The following SMC4 variants were observed in gnomAD, a reference collection of about 807,000 sequenced individuals.
SMC4 encodes structural maintenance of chromosomes protein 4.
A neutral mutation model predicts 145.6 loss-of-function variants in SMC4; 87 were observed. The observed-to-expected ratio is 0.60, with a 90% CI of 0.50 to 0.71. SMC4 has a LOEUF of 0.71. Among genes scored for constraint, SMC4 ranks in the 30% least tolerant of loss-of-function variants. The pLI, the probability that SMC4 is intolerant of heterozygous loss-of-function variation, is 0.00. For synonymous variants in SMC4, 558 were observed against 500.7 expected (o/e 1.11, Z -1.53); for missense variants, 1,447 against 1,537.1 (o/e 0.94, Z 0.98).
chr3:160,431,492 AT>A (rs1381990172), intron 20 of SMC4, 150 bp from the exon 21 acceptor site: 1 of 690,264 alleles, frequency 1.4e-6, no homozygotes. Flanking sequence ...TGTTACAACT[AT>A]TTTTCTTGAA....
At chr3:160,401,879 G>A in intron 2 of SMC4, 36 bp from the exon 3 acceptor site, 2 of 1,544,534 alleles carry the variant, frequency 1.3e-6, no homozygotes, top group Admixed American at 2.1e-5. Context: ...TTCCCCCGCC[G>A]TTTGCCTTCG....
At chr3:160,421,044 C>G (rs1240134882) in intron 13 of SMC4, 143 bp downstream of exon 13, 73 of 572,224 alleles carry the variant, frequency 1.3e-4, no homozygotes, top group Non-Finnish European at 5.7e-6. Context: ...ATTCTCCTGC[C>G]TCAGCCTCCC....
Position 160,402,694 on chromosome 3 carries a change from G to T in SMC4, c.337G>T (p.Gly113Trp), listed in dbSNP as rs367563075. The part of the protein sequence containing the change: ...PFHKRFSCII[G>W]PNGSGKSNVI... ...AATGCAGCGCTTTTCCTGTATTATC[G>T]GGCCAAATGGCAGTGGCAAATCCAA... Residue 113 changes from glycine to tryptophan, a missense_variant, in exon 4 of 24, where the codon GGG becomes TGG. By Grantham distance (184) the Gly-to-Trp change is radical. Transcript: ENST00000357388. 1.9e-6 allele frequency: 3 copies of T among 1,605,090 alleles called. No homozygotes were observed. The highest frequency in any genetic ancestry group is 2.5e-6 in the Non-Finnish European group (3 of 1,177,538).
At position 160,420,846 on chromosome 3, in the gene SMC4, T is replaced by C; in HGVS notation, c.1964T>C (p.Val655Ala). 2.5e-6 allele frequency: 4 copies of C among 1,613,860 alleles called. No individual in the cohort carries two copies. The highest frequency in any genetic ancestry group is 3.4e-6 in the Non-Finnish European group (4 of 1,179,906). The part of the protein sequence containing the change: ...VDSIDIAQEC[V>A]NFLKRQNIGV... ...TCTATTGATATAGCCCAAGAATGTGTAAACTTCCTTAAAAGACAAAATATT... is the reference window on the plus strand; with the variant it reads ...TCTATTGATATAGCCCAAGAATGTGCAAACTTCCTTAAAAGACAAAATATT... Residue 655 changes from valine (V) to alanine (A), a missense_variant, in exon 13 of 24, where the codon GTA becomes GCA. Coordinates refer to ENST00000357388, the MANE Select transcript of SMC4 (RefSeq NM_001002800.3).
chr3:160,428,724 A>T, intron 17 of SMC4, 29 bp from the exon 18 acceptor site: 1 of 1,553,066 alleles, frequency 6.4e-7, no homozygotes, highest in Non-Finnish European at 8.6e-7. Context: ...ATAAAAACAC[A>T]AATTAGGTTC....
chr3:160,418,747 G>A (rs1430291278), intron 11 of SMC4, among the ~76,000 whole-genome samples: 1 of 152,138 alleles, frequency 6.6e-6, no homozygotes, highest in Non-Finnish European at 1.5e-5. Flanking sequence ...TAAATCTAGT[G>A]GATGGAGGAA....
At chr3:160,427,689 C>G (rs961890309) in intron 17 of SMC4, among the ~76,000 whole-genome samples, 1 of 152,144 alleles carries the variant, frequency 6.6e-6, no homozygotes, top group Admixed American at 6.5e-5. Context: ...TTTGTGCAAG[C>G]ATATCTTTAA....
chr3:160,426,232 A>C (rs200496424), intron 17 of SMC4, 32 bp downstream of exon 17: 2 of 1,385,014 alleles, frequency 1.4e-6, no homozygotes, highest in Non-Finnish European at 2.0e-6. Context: ...TTTTGGGGGG[A>C]AAAAAAAAAC....
chr3:160,421,697 T>G (rs571463249), intron 13 of SMC4, among the ~76,000 whole-genome samples: 1 of 152,288 alleles, frequency 6.6e-6, no homozygotes, highest in African/African-American at 2.4e-5. Flanking sequence ...TGAACCTAGA[T>G]TGCGCCACTG....
chr3:160,409,317 G>C (rs1380766800), intron 5 of SMC4, among the ~76,000 whole-genome samples: 2 of 137,754 alleles, frequency 1.5e-5, no homozygotes, highest in East Asian at 4.2e-4. Context: ...CAGGAGTTGA[G>C]ATGTAACTAT....
intron 13 of SMC4, 26 bp from the exon 14 acceptor site, chr3:160,423,399 T>C: frequency 7.4e-7 from 1 of 1,357,348 alleles, no homozygotes; most frequent in Non-Finnish European, 1.0e-6. Context: ...ACTGTTGTTT[T>C]TGTTTGTTTG....
Position 160,433,035 on chromosome 3 carries a change from A to G in SMC4, c.3540A>G (p.Pro1180=). 1 of 1,611,100 alleles carries G rather than the reference A, an allele frequency of 6.2e-7. No individual in the cohort carries two copies. The highest frequency in any genetic ancestry group is 2.2e-5 in the East Asian group (1 of 44,808). ...FSEGIMFSVR[P]PKKSWKKIFN... ...TTCTTAATCATTTCAGTGTTCGACCACCTAAGAAAAGTTGGAAAAAGATCT... is the reference window on the plus strand; with the variant it reads ...TTCTTAATCATTTCAGTGTTCGACCGCCTAAGAAAAGTTGGAAAAAGATCT... The change falls in exon 23 of 24, where the codon CCA becomes CCG. Residue 1180 remains proline (P), a synonymous_variant. Coordinates refer to ENST00000357388, the MANE Select transcript of SMC4 (RefSeq NM_001002800.3).
At chr3:160,417,507 A>G (rs1716712900) in intron 10 of SMC4, 1 of 537,212 alleles carries the variant, frequency 1.9e-6, no homozygotes, top group Non-Finnish European at 3.3e-6. Flanking sequence ...CGATCTCACA[A>G]AGCTCTTGTG....
intron 8 of SMC4, 35 bp from the exon 9 acceptor site, chr3:160,414,332 C>T (rs1367241273): frequency 6.5e-7 from 1 of 1,540,260 alleles, no homozygotes; most frequent in African/African-American, 1.4e-5. Context: ...TGTGCACATT[C>T]AAAATAATGA....
At chr3:160,426,614 T>G (rs746959045) in intron 17 of SMC4, among the ~76,000 whole-genome samples, 6 of 151,170 alleles carry the variant, frequency 4.0e-5, no homozygotes, top group African/African-American at 4.8e-5. Flanking sequence ...TATATATGTA[T>G]TTTTTTTCTT....
chr3:160,423,438 C>G lies in SMC4; in HGVS notation c.2033C>G (p.Ala678Gly), dbSNP rs141584099. 1.1e-5 allele frequency: 17 copies of G among 1,581,466 alleles called. No homozygotes were observed. Among genetic ancestry groups the G allele is most frequent in the Non-Finnish European group, 1.5e-5 (17 of 1,162,490 alleles). ...FIGLDKMAVW[A>G]KKMTEIQTPE... ...GTTTACTTTTAGATGGCTGTATGGG[C>G]GAAAAAGATGACCGAAATTCAAACT... The change falls in exon 14 of 24, where the codon GCG becomes GGG. Residue 678 changes from alanine to glycine, a missense_variant. By Grantham distance (60) the Ala-to-Gly change is moderately conservative. Transcript: ENST00000357388.
chr3:160,431,711 G>A lies in SMC4; in HGVS notation c.3183G>A (p.Glu1061=), dbSNP rs748036519. The stretch of plus-strand genomic sequence containing the variant: ...AAGAGATTTCGGTTCTAAGCCCAGA[G>A]GATCTTGAAGCGATCAAGAATCCAG... ...PIEEISVLSP[E]DLEAIKNPDS... is the part of the protein sequence containing the mutation. The change falls in exon 21 of 24, where the codon GAG becomes GAA. Residue 1061 remains glutamate, a synonymous_variant. Coordinates refer to ENST00000357388, the MANE Select transcript of SMC4 (RefSeq NM_001002800.3). 1.5e-5 allele frequency: 24 copies of A among 1,613,250 alleles called. No individual in the cohort carries two copies. Among genetic ancestry groups the A allele is most frequent in the Non-Finnish European group, 1.9e-5 (22 of 1,179,842 alleles).
At chr3:160,412,479 A>C in intron 7 of SMC4, 26 bp downstream of exon 7, 1 of 1,575,490 alleles carries the variant, frequency 6.3e-7, no homozygotes, top group Non-Finnish European at 8.6e-7. Context: ...GATATTACCA[A>C]TTTTTATATT....
chr3:160,423,305 T>G, intron 13 of SMC4, 120 bp from the exon 14 acceptor site: 1 of 752,884 alleles, frequency 1.3e-6, no homozygotes, highest in Non-Finnish European at 2.1e-6. Flanking sequence ...TTTAGAACCT[T>G]TTGTGTATAA....
Sources: gnomAD v4.1 joint callset for allele counts (sites outside exome capture counted in the v4.1 genomes callset) on GRCh38, gnomAD v4.1.1 for gene constraint, MANE v1.5 for transcripts, NCBI Gene and HGNC (gene_info 2026-07-23, HGNC 2026-07-21) for gene names.